SAMD14: variants seen among roughly 807,000 people sequenced by gnomAD.
The protein encoded by SAMD14 is sterile alpha motif domain containing 14, also known as sterile alpha motif domain-containing protein 14.
In SAMD14, 27 loss-of-function variants were observed where a neutral mutation model predicts 46.2. The observed-to-expected ratio is 0.58, with a 90% CI of 0.43 to 0.81. SAMD14 has a LOEUF of 0.81. SAMD14 is among the 30% of genes least tolerant of loss of function. The probability of loss-of-function intolerance (pLI) is 0.00; values close to 1 mark genes in which losing one functional copy is unlikely to be tolerated. For missense variants in SAMD14, 559 were observed against 582.2 expected (o/e 0.96, Z 0.41); for synonymous variants, 241 against 254.3 (o/e 0.95, Z 0.50).
At chr17:50,114,128 A>G in intron 8 of SAMD14, 49 bp from the exon 9 acceptor site, 1 of 1,613,920 alleles carries the variant, frequency 6.2e-7, no homozygotes, top group Non-Finnish European at 8.5e-7. Context: ...CTGTGACCTG[A>G]GCACCTTGCA....
At position 50,117,387 on chromosome 17, in the gene SAMD14, C is replaced by A; in HGVS notation, c.499+20G>T. ...GCCCGGGAGCGACCAGCAGGAGGTG[C>A]GGCGCTGGCCGCCTCTCACCTTCGC... On this transcript the variant is annotated intron_variant, in intron 4 of 9. Transcript: ENST00000330175. 9 of 1,288,362 alleles carry A rather than the reference C, an allele frequency of 7.0e-6. No individual in the cohort carries two copies. The highest frequency in any genetic ancestry group is 8.8e-6 in the Non-Finnish European group (9 of 1,020,150). The allele number at this position is 1,288,362 out of a possible 1,614,324, so 79.8% of individuals were successfully genotyped here. A position where few individuals can be genotyped will look rare whatever the true frequency, so the allele number is the denominator to read the frequency against.
chr17:50,125,049 TGGAA>T (rs779696005), intron 1 of SAMD14, 78 bp from the exon 2 acceptor site: 6 of 1,344,976 alleles, frequency 4.5e-6, no homozygotes, highest in Non-Finnish European at 5.3e-6. Context: ...AGAAGAGATG[TGGAA>T]GGCTACCTGC....
chr17:50,116,083 G>A lies in SAMD14; in HGVS notation c.507C>T (p.Ser169=), dbSNP rs761387114. The change falls in exon 5 of 10, where the codon AGC becomes AGT. Residue 169 remains serine, a synonymous_variant. Transcript: ENST00000330175. ...CGGGCTCAGGAGGACTGGCGTCACGGCTGTCATCTTTCCAGGGAGAGAAGG... is the reference window on the plus strand; with the variant it reads ...CGGGCTCAGGAGGACTGGCGTCACGACTGTCATCTTTCCAGGGAGAGAAGG... ...PRAEPHSEDD[S]RDASPPEPAS... is the part of the protein sequence containing the mutation. The A allele has an allele frequency of 2.5e-6, 4 of 1,613,342 alleles. No individual in the cohort carries two copies. The highest frequency in any genetic ancestry group is 3.4e-6 in the Non-Finnish European group (4 of 1,179,518).
At chr17:50,118,092 G>A in intron 3 of SAMD14, 69 bp downstream of exon 3, 1 of 1,389,466 alleles carries the variant, frequency 7.2e-7, no homozygotes, top group Non-Finnish European at 9.6e-7. Context: ...ACTCTGGAGA[G>A]ATTATCCAGG....
intron 4 of SAMD14, among the ~76,000 whole-genome samples, chr17:50,117,136 C>T (rs955955468): frequency 1.3e-5 from 2 of 152,240 alleles, no homozygotes; most frequent in South Asian, 4.1e-4. Flanking sequence ...AGGCGTGAGC[C>T]GCCAGCCAGG....
chr17:50,126,794 C>T (rs554901177), intron 1 of SAMD14, among the ~76,000 whole-genome samples: 45 of 152,088 alleles, frequency 3.0e-4, no homozygotes, highest in African/African-American at 9.4e-4. Context: ...CATAGTGAGA[C>T]CCTCATCTCA....
At chr17:50,128,943 G>A (rs994997239) in intron 1 of SAMD14, among the ~76,000 whole-genome samples, 5 of 152,196 alleles carry the variant, frequency 3.3e-5, no homozygotes, top group African/African-American at 1.2e-4. Context: ...CCCTGAAGAG[G>A]AGAAAGCGAC....
chr17:50,123,478 G>T (rs1007859429), intron 2 of SAMD14: 1 of 152,334 alleles, frequency 6.6e-6, no homozygotes. Context: ...AGGGAGAGGG[G>T]TCCCTTGCTC....
rs61328000 is a variant in SAMD14, at chr17:50,110,182, G to C, written c.*2711C>G. 0.14 allele frequency: 202,032 copies of C among 1,416,054 alleles called. 15,607 individuals carry two copies. The highest frequency in any genetic ancestry group is 0.22 in the African/African-American group (15,513 of 70,316). 87.7% of individuals were successfully genotyped at this position (1,416,054 alleles called of 1,614,324 possible). On this transcript the variant is annotated 3_prime_UTR_variant, in exon 10 of 10. Transcript: ENST00000330175. The stretch of plus-strand genomic sequence containing the variant: ...GGTGCCCCTCACCATCCTCCTGGGG[G>C]AGCAGGGGGTGGGTTCTCCCTGATG...
At chr17:50,121,396 C>T (rs1598230679) in intron 2 of SAMD14, among the ~76,000 whole-genome samples, 3 of 151,990 alleles carry the variant, frequency 2.0e-5, no homozygotes, top group East Asian at 3.9e-4. Context: ...TAGCTCACTG[C>T]AACCTCCACC....
intron 2 of SAMD14, among the ~76,000 whole-genome samples, chr17:50,121,515 G>A (rs557401566): frequency 6.6e-5 from 10 of 151,932 alleles, no homozygotes; most frequent in African/African-American, 2.2e-4. Flanking sequence ...ATGGGGTTTC[G>A]CCATGTTGGT....
At position 50,129,312 on chromosome 17, in the gene SAMD14, G is replaced by C. The variant is rs1022748650; in HGVS notation, c.-13+205C>G. ...TTATTAATTTCTCCGGGCGTCGGGC[G>C]GGAGGGAGGGGATTAGGGCCATAAA... On this transcript the variant is annotated intron_variant, in intron 1 of 9. Coordinates refer to ENST00000330175, the MANE Select transcript of SAMD14 (RefSeq NM_001257359.2). This position sits in a 1 kb window ranked among gnomAD's most constrained non-coding sequence, Gnocchi z 5.6. Among the ~76,000 whole-genome samples the C allele has an allele frequency of 6.6e-6, 1 of 152,100 alleles. No homozygotes were observed. Among genetic ancestry groups the C allele is most frequent in the Admixed American group, 6.5e-5 (1 of 15,278 alleles).
intron 4 of SAMD14, 63 bp downstream of exon 4, chr17:50,117,344 G>C (rs1280245261): frequency 7.9e-7 from 1 of 1,258,092 alleles, no homozygotes; most frequent in East Asian, 3.2e-5. Flanking sequence ...TGCGCGCCGG[G>C]ACCGGGAGGG....
Position 50,129,170 on chromosome 17 carries a change from T to G in SAMD14, c.-13+347A>C, listed in dbSNP as rs1361792566. Among the ~76,000 whole-genome samples, 1 of 152,082 alleles carries G rather than the reference T, an allele frequency of 6.6e-6. No individual in the cohort carries two copies. The highest frequency in any genetic ancestry group is 2.1e-4 in the South Asian group (1 of 4,820). On this transcript the variant is annotated intron_variant, in intron 1 of 9. Coordinates refer to ENST00000330175, the MANE Select transcript of SAMD14 (RefSeq NM_001257359.2). This position sits in a 1 kb window ranked among gnomAD's most constrained non-coding sequence, Gnocchi z 5.6. ...TGGGGACAGGGCACCTACTCCACTC[T>G]CAGAGCCCTTCTCCCCAGTCAGAGC...
Position 50,114,300 on chromosome 17 carries a change from T to G in SAMD14, c.829A>C (p.Thr277Pro). 2 of 1,613,582 alleles carry G rather than the reference T, an allele frequency of 1.2e-6. No homozygotes were observed. Among genetic ancestry groups the G allele is most frequent in the South Asian group, 2.2e-5 (2 of 91,044 alleles). Residue 277 changes from threonine (T) to proline (P), a missense_variant, in exon 8 of 10, where the codon ACT (threonine) becomes CCT (proline). Physicochemically the swap from Thr to Pro is conservative, Grantham distance 38. Coordinates refer to ENST00000330175, the MANE Select transcript of SAMD14 (RefSeq NM_001257359.2). ...SPKKSASQES[T>P]LSDDSTPPSS... ...GGGGGCGTGGAGTCATCACTCAGAG[T>G]GGATTCCTAGACAGAAAAAGGTGCA... is the stretch of plus-strand genomic sequence containing the variant.
chr17:50,112,950 C>T lies in SAMD14; in HGVS notation c.1197G>A (p.Lys399=), dbSNP rs1361656718. 1.9e-5 allele frequency: 31 copies of T among 1,610,710 alleles called. No homozygotes were observed. Among genetic ancestry groups the T allele is most frequent in the Non-Finnish European group, 2.5e-5 (30 of 1,179,978 alleles). ...GGAGCTTCTCCCGCTGCCGCGCAGCCTTCTCCTGGGCCTTGCGCTCCTTCT... is the reference window on the plus strand; with the variant it reads ...GGAGCTTCTCCCGCTGCCGCGCAGCTTTCTCCTGGGCCTTGCGCTCCTTCT... ...AAEKERKAQE[K]AARQREKLRR... The change falls in exon 10 of 10, where the codon AAG becomes AAA. Residue 399 remains lysine, a synonymous_variant. Coordinates refer to ENST00000330175, the MANE Select transcript of SAMD14 (RefSeq NM_001257359.2).
chr17:50,115,784 AGCCAGGGGCGGGAGCTGTGGGTGGGCC>A lies in SAMD14; in HGVS notation c.662+19_662+45del. ...GAGGGGAGGACCAGAGCACATGGGG[AGCCAGGGGCGGGAGCTGTGGGTGGGCC>A]GCCATGGGCACCTCTCACCTGCTGC... On this transcript the variant is annotated intron_variant, in intron 6 of 9. Coordinates refer to ENST00000330175, the MANE Select transcript of SAMD14 (RefSeq NM_001257359.2). The surrounding 1 kb of genome is among the most constrained non-coding windows in gnomAD (Gnocchi z 5.3). The A allele has an allele frequency of 6.2e-7, 1 of 1,613,076 alleles. No homozygotes were observed. Among genetic ancestry groups the A allele is most frequent in the Non-Finnish European group, 8.5e-7 (1 of 1,179,876 alleles).
At chr17:50,124,765 GCGCGCGCACACACACACA>G (rs1339415017) in intron 2 of SAMD14, 134 bp downstream of exon 2, 20 of 634,970 alleles carry the variant, frequency 3.1e-5, no homozygotes, top group African/African-American at 2.5e-4. Context: ...GCGTGCACGC[GCGCGCGCACACACACACA>G]CACACACACA....
At position 50,117,566 on chromosome 17, in the gene SAMD14, G is replaced by C; in HGVS notation, c.340C>G (p.Pro114Ala). The stretch of plus-strand genomic sequence containing the variant: ...TAGCGTGTGAGCGGCGAGGGCGGCG[G>C]CTCGTCCTCGTCCAGGCTGCGCCGC... ...GLRRSLDEDEPPPSPLTRYRP... is the reference protein window; with the variant it reads ...GLRRSLDEDEAPPSPLTRYRP... Residue 114 changes from proline to alanine, a missense_variant, in exon 4 of 10, where the codon CCG becomes GCG. Pro to Ala is a conservative substitution (Grantham distance 27). Coordinates refer to ENST00000330175, the MANE Select transcript of SAMD14 (RefSeq NM_001257359.2). 6.4e-7 allele frequency: 1 copy of C among 1,550,996 alleles called. No individual in the cohort carries two copies. The highest frequency in any genetic ancestry group is 8.6e-7 in the Non-Finnish European group (1 of 1,158,846).
Sources: allele counts gnomAD v4.1 joint callset (sites outside exome capture counted in the v4.1 genomes callset), GRCh38; gene constraint gnomAD v4.1.1; non-coding constraint Gnocchi (gnomAD v3.1); transcripts MANE v1.5; gene names NCBI Gene and HGNC (gene_info 2026-07-23, HGNC 2026-07-21).